The following NOTCH2 variants were observed in gnomAD, a reference collection of about 807,000 sequenced individuals.
NOTCH2 encodes the protein neurogenic locus notch homolog protein 2.
In NOTCH2, 29 loss-of-function variants were observed where a neutral mutation model predicts 235.8. The ratio of observed to expected loss-of-function variants is 0.12; its 90% CI spans 0.09 to 0.17. The LOEUF is 0.17. NOTCH2 is among the 10% of genes least tolerant of loss of function. The probability of loss-of-function intolerance (pLI) is 1.00; values close to 1 mark genes in which losing one functional copy is unlikely to be tolerated. For missense variants in NOTCH2, 2,285 were observed against 3,150.2 expected, an observed-to-expected ratio of 0.73 and a Z score of 6.57; for synonymous variants, 1,086 against 1,141.5, an observed-to-expected ratio of 0.95 and a Z score of 0.98.
intron 1 of NOTCH2, 36 bp downstream of exon 1, chr1:120,069,296 CGG>C (rs1325320319): frequency 1.3e-6 from 2 of 1,536,176 alleles, no homozygotes; most frequent in Non-Finnish European, 1.7e-6. Flanking sequence ...GTGGCAGCCC[CGG>C]GCGCCGCGGA....
intron 17 of NOTCH2, among the ~76,000 whole-genome samples, chr1:119,944,151 C>T (rs894264926): frequency 7.9e-5 from 12 of 152,042 alleles, no homozygotes; most frequent in Non-Finnish European, 1.2e-4. Flanking sequence ...AAAATAATGG[C>T]TAAATATTTA....
At chr1:120,003,351 T>TTA (rs1447391923) in intron 3 of NOTCH2, among the ~76,000 whole-genome samples, 18 of 150,492 alleles carry the variant, frequency 1.2e-4, no homozygotes, top group South Asian at 4.2e-4. Context: ...AAACTCTCCT[T>TTA]TATATATATA....
chr1:119,927,525 ATT>A (rs60090468), intron 23 of NOTCH2, among the ~76,000 whole-genome samples: 17 of 148,146 alleles, frequency 1.1e-4, no homozygotes, highest in African/African-American at 3.4e-4. Context: ...TATTCAAGGG[ATT>A]TTTTTTTTTT....
rs2101147018 is a variant in NOTCH2, at chr1:119,917,742, C to T, written c.5950G>A (p.Ala1984Thr). The change falls in exon 33 of 34, where the codon GCA becomes ACA. Residue 1984 changes from alanine (A) to threonine (T), a missense_variant. Ala to Thr is a moderately conservative substitution (Grantham distance 58). Transcript: ENST00000256646. ...GCCTCCACATTATTGACAGCAGCTGCCCAGTGAAGAGCAGATTTTCCTGCA... is the reference window on the plus strand; with the variant it reads ...GCCTCCACATTATTGACAGCAGCTGTCCAGTGAAGAGCAGATTTTCCTGCA... The part of the protein sequence containing the change: ...DDHGKSALHW[A>T]AAVNNVEATL... The T allele has an allele frequency of 1.2e-6, 2 of 1,613,092 alleles. No individual in the cohort carries two copies. Among genetic ancestry groups the T allele is most frequent in the Non-Finnish European group, 1.7e-6 (2 of 1,179,222 alleles).
intron 3 of NOTCH2, among the ~76,000 whole-genome samples, chr1:119,999,293 G>T (rs1652615486): frequency 6.8e-6 from 1 of 147,862 alleles, no homozygotes; most frequent in African/African-American, 2.6e-5. Context: ...TCATAGAAAG[G>T]TAAATGGGAG....
chr1:119,936,349 G>C (rs1223016246), intron 21 of NOTCH2, among the ~76,000 whole-genome samples: 6 of 152,224 alleles, frequency 3.9e-5, no homozygotes, highest in African/African-American at 1.2e-4. Flanking sequence ...CTGGGTCAGA[G>C]AGCTCTAAAG....
At chr1:120,003,070 A>C (rs1478402125) in intron 3 of NOTCH2, among the ~76,000 whole-genome samples, 1 of 151,812 alleles carries the variant, frequency 6.6e-6, no homozygotes, top group Non-Finnish European at 1.5e-5. Context: ...TTAACATTTG[A>C]GTCAGTGGGC....
rs1049073692 is a variant in NOTCH2 at position 119,913,702 on chromosome 1, G to T, written c.*1604C>A. 4.3e-6 allele frequency: 1 copy of T among 233,140 alleles called. No homozygotes were observed. The highest frequency in any genetic ancestry group is 8.5e-6 in the Non-Finnish European group (1 of 118,036). 14.4% of individuals were successfully genotyped at this position (233,140 alleles called of 1,614,324 possible). A position where few individuals can be genotyped will look rare whatever the true frequency, so the allele number is the denominator to read the frequency against. Reference sequence around the variant, plus strand: ...GAGGGGCAATCAGTCTGAACAATGAGCAAGTCTATAGTTGTCCATTATCAT... The same window carrying T: ...GAGGGGCAATCAGTCTGAACAATGATCAAGTCTATAGTTGTCCATTATCAT... On this transcript the variant is annotated 3_prime_UTR_variant, in exon 34 of 34. Coordinates refer to ENST00000256646, the MANE Select transcript of NOTCH2 (RefSeq NM_024408.4).
intron 5 of NOTCH2, 91 bp downstream of exon 5, chr1:119,986,869 A>G (rs1485770448): frequency 6.4e-7 from 1 of 1,553,302 alleles, no homozygotes; most frequent in Non-Finnish European, 8.9e-7. Flanking sequence ...GAGCAGGCCT[A>G]AGATATTTGT....
chr1:119,951,082 CCCT>C (rs781804106), intron 14 of NOTCH2, among the ~76,000 whole-genome samples: 2 of 152,100 alleles, frequency 1.3e-5, no homozygotes, highest in Non-Finnish European at 1.5e-5. Flanking sequence ...AGCCTAATGC[CCCT>C]CCAACTACAA....
intron 22 of NOTCH2, among the ~76,000 whole-genome samples, chr1:119,930,703 C>G (rs141855931): frequency 6.6e-6 from 1 of 150,494 alleles, no homozygotes. Flanking sequence ...CACTTGAAAC[C>G]GGGAGATGAA....
chr1:119,916,255 G>C lies in NOTCH2; in HGVS notation c.6467C>G (p.Ser2156Cys). ...GGTGTCGGAAACATACGTGTGAGGA[G>C]ATTCTAGGGAATCAACAGGGGATAA... ...VTLSPVDSLESPHTYVSDTTS... is the reference protein window; with the variant it reads ...VTLSPVDSLECPHTYVSDTTS... Residue 2156 changes from serine (S) to cysteine (C), a missense_variant, in exon 34 of 34, where the codon TCT (serine) becomes TGT (cysteine). This residue lies in a region of NOTCH2 where 504 missense variants were observed against 538.0 expected (regional missense o/e 0.94). Transcript: ENST00000256646. 1 of 1,614,224 alleles carries C rather than the reference G, an allele frequency of 6.2e-7. No homozygotes were observed. The highest frequency in any genetic ancestry group is 8.5e-7 in the Non-Finnish European group (1 of 1,180,036).
intron 18 of NOTCH2, among the ~76,000 whole-genome samples, chr1:119,940,986 C>A (rs1553196398): frequency 6.6e-6 from 1 of 152,182 alleles, no homozygotes; most frequent in African/African-American, 2.4e-5. Flanking sequence ...ACTATAGATA[C>A]CTACAGAAAA....
chr1:120,015,008 T>C (rs868992784), intron 2 of NOTCH2, among the ~76,000 whole-genome samples: 2 of 147,414 alleles, frequency 1.4e-5, no homozygotes, highest in African/African-American at 5.1e-5. Flanking sequence ...TTTTTTTTTT[T>C]TAAAAACGAG....
At chr1:119,962,031 A>G (rs1353078753) in intron 11 of NOTCH2, among the ~76,000 whole-genome samples, 1 of 152,072 alleles carries the variant, frequency 6.6e-6, no homozygotes, top group Non-Finnish European at 1.5e-5. Context: ...TGCTTGCTTT[A>G]ATTCTCCAAA....
At position 119,914,335 on chromosome 1, in the gene NOTCH2, CTT is replaced by C. The variant is rs1476049976; in HGVS notation, c.*969_*970del. 4.3e-6 allele frequency: 1 copy of C among 233,010 alleles called. No individual in the cohort carries two copies. Among genetic ancestry groups the C allele is most frequent in the Non-Finnish European group, 8.5e-6 (1 of 118,012 alleles). 14.4% of individuals were successfully genotyped at this position (233,010 alleles called of 1,614,324 possible). ...GGCTCTTGCACGAGTTAACTTGTCT[CTT>C]GGTCATTCCAACATTCCAAACCTTT... is the stretch of plus-strand genomic sequence containing the variant. On this transcript the variant is annotated 3_prime_UTR_variant, in exon 34 of 34. Transcript: ENST00000256646.
At chr1:120,038,413 G>A (rs2101357536) in intron 1 of NOTCH2, among the ~76,000 whole-genome samples, 1 of 139,732 alleles carries the variant, frequency 7.2e-6, no homozygotes, top group South Asian at 2.5e-4. Context: ...TCCTGAAGAA[G>A]CTCTCAGAGA....
chr1:119,922,583 C>T (rs2101155611), intron 27 of NOTCH2, 53 bp downstream of exon 27: 2 of 1,612,214 alleles, frequency 1.2e-6, no homozygotes, highest in Non-Finnish European at 1.7e-6. Context: ...AATTGTTCCC[C>T]CAATTGACAC....
chr1:119,937,580 G>T, intron 20 of NOTCH2, 114 bp from the exon 21 acceptor site: 1 of 1,060,476 alleles, frequency 9.4e-7, no homozygotes. Context: ...CTTATTCTTA[G>T]CCAGTTCTTC....
Sources: gnomAD v4.1 joint callset for allele counts (sites outside exome capture counted in the v4.1 genomes callset) on GRCh38, gnomAD v4.1.1 for gene constraint, gnomAD v4.1.1 regional missense constraint, MANE v1.5 for transcripts, NCBI Gene and HGNC (gene_info 2026-07-23, HGNC 2026-07-21) for gene names.